Variants in SHC2 observed in about 807,000 individuals in gnomAD.
SHC2 encodes SHC-transforming protein 2.
A neutral mutation model predicts 60.6 loss-of-function variants in SHC2; 62 were observed. That is an observed-to-expected ratio of 1.02 (90% CI 0.83 to 1.26). The LOEUF (loss-of-function observed/expected upper bound fraction) is 1.26, where lower values mean the gene tolerates loss of function less well. Among genes scored for constraint, SHC2 ranks in the 50% most tolerant of loss-of-function variants. The pLI is 0.00. For missense variants in SHC2, 873 were observed against 822.2 expected (o/e 1.06, Z -0.76); for synonymous variants, 375 against 372.4 (o/e 1.01, Z -0.08).
At chr19:420,989 A>G (rs1974254908) in intron 11 of SHC2, among the ~76,000 whole-genome samples, 1 of 151,526 alleles carries the variant, frequency 6.6e-6, no homozygotes, top group Non-Finnish European at 1.5e-5. Context: ...AGTGGAGGTT[A>G]CAGTGAGCTG....
At chr19:455,868 C>G (rs900259043) in intron 1 of SHC2, among the ~76,000 whole-genome samples, 2 of 152,120 alleles carry the variant, frequency 1.3e-5, no homozygotes, top group African/African-American at 4.8e-5. Context: ...ACACCGGGCC[C>G]CCAAATCATC....
intron 1 of SHC2, among the ~76,000 whole-genome samples, chr19:450,230 C>T (rs945664428): frequency 6.6e-6 from 1 of 152,246 alleles, no homozygotes. Context: ...GAGCTTCCTC[C>T]AGGCATCTTG....
In SHC2 at chr19:422,735, C is replaced by T. The variant is rs374722941; in HGVS notation, c.1310-279G>A. ...CAGCTCTTTCTTTCAGAGGTTAACT[C>T]CTATTTCTTTTTCCTGCCTTGTCAG... On this transcript the variant is annotated intron_variant, in intron 10 of 12. Coordinates refer to ENST00000264554, the MANE Select transcript of SHC2 (RefSeq NM_012435.3). This position sits in a 1 kb window ranked among gnomAD's most constrained non-coding sequence, Gnocchi z 5.0. The T allele has an allele frequency of 1.4e-3, 520 of 362,196 alleles. 1 individual carries two copies. Among genetic ancestry groups the T allele is most frequent in the South Asian group, 0.01 (114 of 10,904 alleles). The allele number at this position is 362,196 out of a possible 1,614,324, so 22.4% of individuals were successfully genotyped here.
Position 453,938 on chromosome 19 carries a change from G to A in SHC2, c.468+6591C>T, listed in dbSNP as rs1337781275. Among the ~76,000 whole-genome samples, 4 of 152,220 alleles carry A rather than the reference G, an allele frequency of 2.6e-5. No homozygotes were observed. The highest frequency in any genetic ancestry group is 3.8e-4 in the East Asian group (2 of 5,200). ...ACTTCTGTGTATGGACGAGCCCAGC[G>A]CCAAAATGGTACGTGTGGGAGAACA... On this transcript the variant is annotated intron_variant, in intron 1 of 12. Transcript: ENST00000264554. This position sits in a 1 kb window ranked among gnomAD's most constrained non-coding sequence, Gnocchi z 6.3.
At chr19:456,216 C>T (rs1288337614) in intron 1 of SHC2, among the ~76,000 whole-genome samples, 1 of 152,180 alleles carries the variant, frequency 6.6e-6, no homozygotes, top group Non-Finnish European at 1.5e-5. Flanking sequence ...TGGCTATTCC[C>T]CTCCTTAACT....
rs534468981 is a variant in SHC2, at chr19:447,955, A to G, written c.469-7023T>C. On this transcript the variant is annotated intron_variant, in intron 1 of 12. Transcript: ENST00000264554. ...GGTTTGCTGGGAGCTGGGAGCCAGG[A>G]TGTCTGCACAGTGTCAACATCTGTC... 3.9e-5 allele frequency among the ~76,000 whole-genome samples: 6 copies of G among 152,186 alleles called. No homozygotes were observed. In the East Asian group the frequency reaches 1.2e-3, roughly 29 times the overall value.
chr19:436,870 G>A (rs1432754880), intron 4 of SHC2, among the ~76,000 whole-genome samples, 187 bp from the exon 5 acceptor site: 4 of 152,156 alleles, frequency 2.6e-5, no homozygotes, highest in African/African-American at 9.7e-5. Flanking sequence ...CTGGGATGTG[G>A]AGTCCCCAGC....
chr19:434,511 C>CTGA (rs1974667493), intron 8 of SHC2, among the ~76,000 whole-genome samples, 198 bp downstream of exon 8: 8 of 624 alleles, frequency 0.013, no homozygotes, highest in Admixed American at 0.017. Context: ...TGAGTGAGAT[C>CTGA]GTGAGCCTGT....
Position 424,859 on chromosome 19 carries a change from C to G in SHC2, c.1309+238G>C, listed in dbSNP as rs1974369293. Among the ~76,000 whole-genome samples, 1 of 152,214 alleles carries G rather than the reference C, an allele frequency of 6.6e-6. No homozygotes were observed. Among genetic ancestry groups the G allele is most frequent in the African/African-American group, 2.4e-5 (1 of 41,458 alleles). On this transcript the variant is annotated intron_variant, in intron 10 of 12. Transcript: ENST00000264554. This position sits in a 1 kb window ranked among gnomAD's most constrained non-coding sequence, Gnocchi z 4.5. ...CATTCGCTAGAGAGAATGGGCCTCCCCTGTCAGACTGGCCCCTTTTAAGGC... is the reference window on the plus strand; with the variant it reads ...CATTCGCTAGAGAGAATGGGCCTCCGCTGTCAGACTGGCCCCTTTTAAGGC...
At chr19:443,149 GATGA>G (rs1974948920) in intron 1 of SHC2, among the ~76,000 whole-genome samples, 2 of 150,706 alleles carry the variant, frequency 1.3e-5, no homozygotes, top group African/African-American at 2.4e-5. Flanking sequence ...TGGGTGGGTG[GATGA>G]ATGGATGGAT....
In SHC2 at chr19:439,050, G is replaced by T; in HGVS notation, c.540-20C>A. 1 of 1,497,528 alleles carries T rather than the reference G, an allele frequency of 6.7e-7. No individual in the cohort carries two copies. 92.8% of individuals were successfully genotyped at this position (1,497,528 alleles called of 1,614,324 possible). Reference sequence around the variant, plus strand: ...GCTTCCCTGGGGTTGGGAGGAGGGGGCTTAGAGAGTGTGGTGGGGGTGGCC... The same window carrying T: ...GCTTCCCTGGGGTTGGGAGGAGGGGTCTTAGAGAGTGTGGTGGGGGTGGCC... On this transcript the variant is annotated intron_variant, in intron 2 of 12. Transcript: ENST00000264554.
rs1975020807 is a variant in SHC2 at position 445,078 on chromosome 19, G to A, written c.469-4146C>T. On this transcript the variant is annotated intron_variant, in intron 1 of 12. Transcript: ENST00000264554. This position sits in a 1 kb window ranked among gnomAD's most constrained non-coding sequence, Gnocchi z 4.4. ...TGTCCCACGCTCCACGGCGCCCAGT[G>A]CTGCCGGCCATGTGCTTTTTTAAAA... Among the ~76,000 whole-genome samples the A allele has an allele frequency of 6.6e-6, 1 of 152,270 alleles. No homozygotes were observed. Among genetic ancestry groups the A allele is most frequent in the South Asian group, 2.1e-4 (1 of 4,836 alleles).
rs765158847 is a variant in SHC2 at position 422,230 on chromosome 19, G to A, written c.1536C>T (p.Ser512=). 7 of 1,612,434 alleles carry A rather than the reference G, an allele frequency of 4.3e-6. No homozygotes were observed. Among genetic ancestry groups the A allele is most frequent in the Admixed American group, 3.3e-5 (2 of 59,944 alleles). Residue 512 remains serine (S), a synonymous_variant, in exon 11 of 13, where the codon AGC becomes AGT. Transcript: ENST00000264554. This position sits in a 1 kb window ranked among gnomAD's most constrained non-coding sequence, Gnocchi z 5.0. ...RADGDFLVRD[S]VTNPGQYVLT... Reference sequence around the variant, plus strand: ...GGACATACTGCCCGGGGTTGGTGACGCTGTCTCGCACAAGGAAGTCCCCGT... The same window carrying A: ...GGACATACTGCCCGGGGTTGGTGACACTGTCTCGCACAAGGAAGTCCCCGT...
In SHC2 at chr19:446,735, G is replaced by A. The variant is rs1975062923; in HGVS notation, c.469-5803C>T. Among the ~76,000 whole-genome samples, 1 of 152,106 alleles carries A rather than the reference G, an allele frequency of 6.6e-6. No homozygotes were observed. Among genetic ancestry groups the A allele is most frequent in the Admixed American group, 6.5e-5 (1 of 15,272 alleles). ...TCCCCTTTGCAAATTCAGAAACTGA[G>A]GCCCAGAGAGAAGGCATGACCCAGA... On this transcript the variant is annotated intron_variant, in intron 1 of 12. Transcript: ENST00000264554. The surrounding 1 kb of genome is among the most constrained non-coding windows in gnomAD (Gnocchi z 5.4).
chr19:460,721 G>T lies in SHC2; in HGVS notation c.276C>A (p.Pro92=). The change falls in exon 1 of 13, where the codon CCC becomes CCA. Residue 92 remains proline, a synonymous_variant. Transcript: ENST00000264554. ...CCCGACAGCGGCTGAGCGCGGGCAG[G>T]GGACAGGGCGCGGCGCAGCGGGGCT... ...ACEPRCAAPC[P]LPALSRCRGA... 1 of 987,192 alleles carries T rather than the reference G, an allele frequency of 1.0e-6. No homozygotes were observed. The highest frequency in any genetic ancestry group is 4.6e-5 in the South Asian group (1 of 21,954). 61.2% of individuals were successfully genotyped at this position (987,192 alleles called of 1,614,324 possible). A position where few individuals can be genotyped will look rare whatever the true frequency, so the allele number is the denominator to read the frequency against.
rs1006433229 is a variant in SHC2 at position 456,359 on chromosome 19, G to T, written c.468+4170C>A. On this transcript the variant is annotated intron_variant, in intron 1 of 12. Transcript: ENST00000264554. ...GGCTCCCTGGGGGCCAGGGCCCCTG[G>T]TCCATCAGCAACTCCTCCGGGCTCC... Among the ~76,000 whole-genome samples the T allele has an allele frequency of 2.6e-5, 4 of 152,126 alleles. 1 individual carries two copies. The highest frequency in any genetic ancestry group is 5.9e-5 in the Non-Finnish European group (4 of 67,972).
chr19:448,156 C>T (rs976504914), intron 1 of SHC2, among the ~76,000 whole-genome samples: 1 of 152,238 alleles, frequency 6.6e-6, no homozygotes, highest in African/African-American at 2.4e-5. Flanking sequence ...CGCAGATCTT[C>T]CTCATTATAA....
Position 434,878 on chromosome 19 carries a change from C to T in SHC2, c.954-13G>A. 6.2e-7 allele frequency: 1 copy of T among 1,606,582 alleles called. No homozygotes were observed. The highest frequency in any genetic ancestry group is 8.5e-7 in the Non-Finnish European group (1 of 1,178,942). Reference sequence around the variant, plus strand: ...CGGCCCTGCCAGCCTGGGGGACAGACAACAACGGCCATGGCACAGGCAGGG... The same window carrying T: ...CGGCCCTGCCAGCCTGGGGGACAGATAACAACGGCCATGGCACAGGCAGGG... On this transcript the variant is annotated splice_polypyrimidine_tract_variant and intron_variant, in intron 7 of 12. Transcript: ENST00000264554.
At chr19:417,698 C>A (rs928836821) in intron 12 of SHC2, among the ~76,000 whole-genome samples, 1 of 152,230 alleles carries the variant, frequency 6.6e-6, no homozygotes, top group East Asian at 1.9e-4. Flanking sequence ...GGGACGCAGG[C>A]AGGGACCGGT....
Sources: allele counts gnomAD v4.1 joint callset (sites outside exome capture counted in the v4.1 genomes callset), GRCh38; gene constraint gnomAD v4.1.1; non-coding constraint Gnocchi (gnomAD v3.1); transcripts MANE v1.5; gene names NCBI Gene and HGNC (gene_info 2026-07-23, HGNC 2026-07-21).